Variants in PRKN observed in about 807,000 individuals in gnomAD.
The protein encoded by PRKN is E3 ubiquitin-protein ligase parkin.
Under a neutral mutation model 59.5 loss-of-function variants are expected in PRKN, and 56 were observed. That is an observed-to-expected ratio of 0.94 (90% CI 0.76 to 1.18). PRKN has a LOEUF of 1.18. PRKN is among the 50% of genes most tolerant of loss of function. The pLI is 0.00. For synonymous variants in PRKN, 250 were observed against 222.1 expected (o/e 1.13, Z -1.12); for missense variants, 657 against 596.4 (o/e 1.10, Z -1.06).
intron 2 of PRKN, among the ~76,000 whole-genome samples, chr6:162,317,174 T>G (rs946937873): frequency 1.3e-5 from 2 of 152,116 alleles, no homozygotes; most frequent in African/African-American, 4.8e-5. Context: ...TGATATGGTT[T>G]GGCTGTGTCC....
At chr6:161,772,570 A>G (rs1287144609) in intron 7 of PRKN, among the ~76,000 whole-genome samples, 3 of 152,180 alleles carry the variant, frequency 2.0e-5, no homozygotes, top group Middle Eastern at 3.2e-3. Flanking sequence ...AGGATATTTA[A>G]CACAGGCAAT....
chr6:162,128,955 T>A (rs918082574), intron 4 of PRKN, among the ~76,000 whole-genome samples: 1 of 152,182 alleles, frequency 6.6e-6, no homozygotes, highest in African/African-American at 2.4e-5. Context: ...ATTTGTGACA[T>A]TCTTTTATTA....
intron 1 of PRKN, among the ~76,000 whole-genome samples, chr6:162,587,165 C>T (rs35723993): frequency 0.1 from 15,576 of 152,174 alleles, 945 homozygotes; most frequent in Middle Eastern, 0.19. Flanking sequence ...GAGATGGAGT[C>T]TCACTCTGTT....
rs545553921 is a variant in PRKN, at chr6:162,093,649, C to T, written c.535-39475G>A. 1.4e-4 allele frequency among the ~76,000 whole-genome samples: 21 copies of T among 152,258 alleles called. No individual in the cohort carries two copies. The South Asian group carries it at 3.9e-3, about 29-fold the overall frequency. ...TCAGTGCGTGGGGTAGCTGTGCTCT[C>T]CTGTACCCCCTAAACATTTATGTGA... On this transcript the variant is annotated intron_variant, in intron 4 of 11. Coordinates refer to ENST00000366898, the MANE Select transcript of PRKN (RefSeq NM_004562.3).
intron 7 of PRKN, among the ~76,000 whole-genome samples, chr6:161,614,994 AGAGAG>A (rs1562560684): frequency 4.4e-4 from 66 of 148,984 alleles, no homozygotes; most frequent in African/African-American, 1.6e-3. Context: ...AGAGAGAGAG[AGAGAG>A]AACACTGAAA....
intron 1 of PRKN, among the ~76,000 whole-genome samples, chr6:162,448,335 A>G (rs946787906): frequency 6.6e-6 from 1 of 152,026 alleles, no homozygotes; most frequent in African/African-American, 2.4e-5. Flanking sequence ...CCCTCCTGCG[A>G]TTACTACCCC....
At chr6:162,241,577 G>A (rs1778991719) in intron 3 of PRKN, among the ~76,000 whole-genome samples, 1 of 151,968 alleles carries the variant, frequency 6.6e-6, no homozygotes, top group South Asian at 2.1e-4. Context: ...ATGATTTGGT[G>A]GGAAAAAAAG....
At chr6:162,436,496 G>C (rs1468420521) in intron 2 of PRKN, among the ~76,000 whole-genome samples, 1 of 151,696 alleles carries the variant, frequency 6.6e-6, no homozygotes, top group East Asian at 2.0e-4. Context: ...ATTTTTAGTA[G>C]AGACGGGGTT....
intron 2 of PRKN, among the ~76,000 whole-genome samples, chr6:162,319,346 T>A (rs2128120962): frequency 6.6e-6 from 1 of 152,120 alleles, no homozygotes; most frequent in South Asian, 2.1e-4. Context: ...GAACTACTGT[T>A]GTGGAAAATA....
intron 6 of PRKN, among the ~76,000 whole-genome samples, chr6:161,823,200 G>GCTGCCT (rs1445232969): frequency 6.6e-6 from 1 of 151,360 alleles, no homozygotes; most frequent in African/African-American, 2.4e-5. Context: ...TTCCCCCAAA[G>GCTGCCT]TATTGGGATT....
Position 161,487,258 on chromosome 6 carries a change from T to G in PRKN, c.1083+61596A>C, listed in dbSNP as rs1791694283. Among the ~76,000 whole-genome samples the G allele has an allele frequency of 6.6e-6, 1 of 152,136 alleles. No homozygotes were observed. Among genetic ancestry groups the G allele is most frequent in the African/African-American group, 2.4e-5 (1 of 41,428 alleles). ...GACATTGAGGCATAGACCCATGAAG[T>G]GGGCTTGCTCAGTAACAACTGCTCA... On this transcript the variant is annotated intron_variant, in intron 9 of 11. Coordinates refer to ENST00000366898, the MANE Select transcript of PRKN (RefSeq NM_004562.3). The surrounding 1 kb of genome is among the most constrained non-coding windows in gnomAD (Gnocchi z 5.3).
At chr6:161,935,672 G>T (rs551343371) in intron 6 of PRKN, among the ~76,000 whole-genome samples, 2 of 152,178 alleles carry the variant, frequency 1.3e-5, no homozygotes, top group South Asian at 4.2e-4. Context: ...AAACTTAGGT[G>T]AAAAAATAGT....
At chr6:162,322,259 A>G (rs1783061904) in intron 2 of PRKN, among the ~76,000 whole-genome samples, 1 of 151,602 alleles carries the variant, frequency 6.6e-6, no homozygotes, top group African/African-American at 2.4e-5. Context: ...TGTGAATTGT[A>G]CACTGAAAAG....
At chr6:162,019,823 A>T (rs553743847) in intron 5 of PRKN, among the ~76,000 whole-genome samples, 2 of 152,246 alleles carry the variant, frequency 1.3e-5, no homozygotes, top group Non-Finnish European at 2.9e-5. Context: ...GCTCGAGACC[A>T]GCCTGGCCAA....
At chr6:161,504,832 T>C (rs1289437496) in intron 9 of PRKN, among the ~76,000 whole-genome samples, 2 of 151,510 alleles carry the variant, frequency 1.3e-5, no homozygotes, top group East Asian at 3.9e-4. Context: ...ATTTCATCCA[T>C]GTCCCTACAA....
At chr6:161,763,804 C>T (rs192909057) in intron 7 of PRKN, among the ~76,000 whole-genome samples, 1 of 152,172 alleles carries the variant, frequency 6.6e-6, no homozygotes, top group Admixed American at 6.5e-5. Context: ...GAAGACCTAC[C>T]CGTCCTGAGC....
At chr6:161,412,818 T>C (rs1420626192) in intron 9 of PRKN, among the ~76,000 whole-genome samples, 2 of 148,486 alleles carry the variant, frequency 1.3e-5, no homozygotes, top group Non-Finnish European at 3.0e-5. Flanking sequence ...ACTCATTCCT[T>C]CACTCACTCC....
intron 1 of PRKN, among the ~76,000 whole-genome samples, chr6:162,509,550 C>T (rs1449425365): frequency 1.3e-5 from 2 of 151,968 alleles, no homozygotes; most frequent in Non-Finnish European, 2.9e-5. Context: ...ATAGATTTTT[C>T]CCAAAACATT....
intron 7 of PRKN, among the ~76,000 whole-genome samples, chr6:161,772,532 C>T (rs77369827): frequency 0.059 from 8,913 of 152,216 alleles, 869 homozygotes; most frequent in African/African-American, 0.2. Context: ...CAGTTGAGGA[C>T]GTTGGATACA....
Sources: allele counts gnomAD v4.1 joint callset (sites outside exome capture counted in the v4.1 genomes callset), GRCh38; gene constraint gnomAD v4.1.1; non-coding constraint Gnocchi (gnomAD v3.1); transcripts MANE v1.5; gene names NCBI Gene and HGNC (gene_info 2026-07-23, HGNC 2026-07-21).